Variants in ATF2 observed in about 807,000 individuals in gnomAD.
ATF2 encodes activating transcription factor 2, also known as cyclic AMP-dependent transcription factor ATF-2.
A neutral mutation model predicts 60.6 loss-of-function variants in ATF2; 24 were observed. The ratio of observed to expected loss-of-function variants is 0.40; its 90% CI spans 0.29 to 0.56. The LOEUF is 0.56. Among genes scored for constraint, ATF2 ranks in the 20% least tolerant of loss-of-function variants. The pLI, the probability that ATF2 is intolerant of heterozygous loss-of-function variation, is 0.54. For synonymous variants in ATF2, 206 were observed against 215.4 expected (o/e 0.96, Z 0.38); for missense variants, 433 against 607.7 (o/e 0.71, Z 3.02).
At chr2:175,158,118 T>C (rs1342360877) in intron 1 of ATF2, among the ~76,000 whole-genome samples, 2 of 152,140 alleles carry the variant, frequency 1.3e-5, no homozygotes, top group Non-Finnish European at 1.5e-5. Context: ...AGAGATCACC[T>C]TGGGAATAGC....
intron 10 of ATF2, among the ~76,000 whole-genome samples, chr2:175,100,436 G>T (rs1574362696): frequency 6.6e-6 from 1 of 152,098 alleles, no homozygotes; most frequent in Non-Finnish European, 1.5e-5. Context: ...TTTGATCCCA[G>T]ACATATTTTA....
intron 11 of ATF2, among the ~76,000 whole-genome samples, chr2:175,096,417 A>G (rs1176547911): frequency 6.6e-6 from 1 of 152,218 alleles, no homozygotes; most frequent in Admixed American, 6.5e-5. Flanking sequence ...TAATACCTAC[A>G]TATGTGTGTA....
At chr2:175,099,430 C>T (rs1695165803) in intron 10 of ATF2, among the ~76,000 whole-genome samples, 1 of 152,084 alleles carries the variant, frequency 6.6e-6, no homozygotes, top group East Asian at 1.9e-4. Context: ...AACAAATACA[C>T]TCATGCAACC....
chr2:175,116,911 T>C (rs908403292), intron 7 of ATF2, among the ~76,000 whole-genome samples: 1 of 151,908 alleles, frequency 6.6e-6, no homozygotes. Context: ...CATATACATA[T>C]CATATAATAA....
intron 10 of ATF2, among the ~76,000 whole-genome samples, chr2:175,101,625 T>C (rs1283904061): frequency 6.6e-6 from 1 of 152,196 alleles, no homozygotes; most frequent in Non-Finnish European, 1.5e-5. Flanking sequence ...TAACTGCACA[T>C]AGGGGAGCCT....
Position 175,097,554 on chromosome 2 carries a change from T to C in ATF2, c.868A>G (p.Thr290Ala). ...AALTQQHPPV[T>A]NGDTVKGHGS... ...TGACCTTTGACAGTATCACCATTGG[T>C]AACTGGAGGATGTTGCTGGGTCAAA... The change falls in exon 11 of 14, where the codon ACC (threonine) becomes GCC (alanine). Residue 290 changes from threonine to alanine, a missense_variant. Physicochemically the swap from Thr to Ala is moderately conservative, Grantham distance 58. Coordinates refer to ENST00000264110, the MANE Select transcript of ATF2 (RefSeq NM_001880.4). 1 of 1,614,114 alleles carries C rather than the reference T, an allele frequency of 6.2e-7. No homozygotes were observed. Among genetic ancestry groups the C allele is most frequent in the Non-Finnish European group, 8.5e-7 (1 of 1,179,998 alleles).
In ATF2 at chr2:175,167,791, G is replaced by A. The variant is rs1305154328; in HGVS notation, c.-143+259C>T. The A allele has an allele frequency of 6.6e-6, 3 of 451,326 alleles. No homozygotes were observed. In the East Asian group the frequency reaches 2.2e-4, roughly 33 times the overall value. 28.0% of individuals were successfully genotyped at this position (451,326 alleles called of 1,614,324 possible). A position where few individuals can be genotyped will look rare whatever the true frequency, so the allele number is the denominator to read the frequency against. The stretch of plus-strand genomic sequence containing the variant: ...TCTGCCTTAGGAAAGCGCGCGAGAG[G>A]GAGGGGCCGGAACAACGAACGCTGG... On this transcript the variant is annotated intron_variant, in intron 1 of 13. Coordinates refer to ENST00000264110, the MANE Select transcript of ATF2 (RefSeq NM_001880.4).
intron 12 of ATF2, among the ~76,000 whole-genome samples, chr2:175,092,096 A>C (rs2105585781): frequency 6.6e-6 from 1 of 152,338 alleles, no homozygotes; most frequent in East Asian, 1.9e-4. Context: ...TCACATTAAA[A>C]AAATTTAAAT....
intron 4 of ATF2, among the ~76,000 whole-genome samples, chr2:175,123,940 C>T (rs1472912937): frequency 2.0e-5 from 3 of 151,956 alleles, no homozygotes; most frequent in South Asian, 4.1e-4. Flanking sequence ...TAACAAGAAA[C>T]TTAAGACCGT....
At chr2:175,101,344 G>C (rs1695298484) in intron 10 of ATF2, among the ~76,000 whole-genome samples, 1 of 152,072 alleles carries the variant, frequency 6.6e-6, no homozygotes, top group South Asian at 2.1e-4. Context: ...AGAGTCTTGG[G>C]AGGTCGCCAG....
chr2:175,116,729 T>TAG (rs958958332), intron 7 of ATF2, among the ~76,000 whole-genome samples: 4 of 151,404 alleles, frequency 2.6e-5, no homozygotes, highest in Non-Finnish European at 5.9e-5. Context: ...AAAGAAGGAA[T>TAG]ACTCCTAAAA....
chr2:175,102,791 C>G (rs1233126294), intron 10 of ATF2, among the ~76,000 whole-genome samples: 1 of 151,600 alleles, frequency 6.6e-6, no homozygotes. Flanking sequence ...TTTATAAGGT[C>G]TATATTATCC....
At chr2:175,161,012 T>C (rs982218849) in intron 1 of ATF2, among the ~76,000 whole-genome samples, 2 of 152,170 alleles carry the variant, frequency 1.3e-5, no homozygotes, top group Non-Finnish European at 2.9e-5. Context: ...CACTCCAACC[T>C]GCATGACAGA....
intron 12 of ATF2, among the ~76,000 whole-genome samples, chr2:175,087,005 A>T (rs1383222268): frequency 6.6e-6 from 1 of 152,136 alleles, no homozygotes; most frequent in Non-Finnish European, 1.5e-5. Flanking sequence ...ACACAAAACC[A>T]GTCTGCTTAA....
chr2:175,142,209 A>G (rs1698595889), intron 2 of ATF2, among the ~76,000 whole-genome samples: 1 of 143,530 alleles, frequency 7.0e-6, no homozygotes, highest in South Asian at 2.2e-4. Flanking sequence ...TTTTTGAGAC[A>G]GACTCTCGCT....
At chr2:175,092,602 C>G (rs751663203) in intron 12 of ATF2, 3 of 451,962 alleles carry the variant, frequency 6.6e-6, no homozygotes, top group African/African-American at 6.1e-5. Flanking sequence ...GCACCTTTCA[C>G]GAGCAATATA....
intron 4 of ATF2, among the ~76,000 whole-genome samples, chr2:175,125,930 A>C (rs1015723518): frequency 2.0e-5 from 3 of 152,128 alleles, no homozygotes; most frequent in Non-Finnish European, 4.4e-5. Context: ...TTCCCACCTT[A>C]AAATGCAAAA....
At chr2:175,086,702 C>G (rs1694194818) in intron 12 of ATF2, among the ~76,000 whole-genome samples, 1 of 152,098 alleles carries the variant, frequency 6.6e-6, no homozygotes, top group Non-Finnish European at 1.5e-5. Context: ...AGCCACTGCT[C>G]CTGGCCTCAT....
Position 175,130,196 on chromosome 2 carries a change from T to A in ATF2, c.44A>T (p.Asp15Val). 6.3e-7 allele frequency: 1 copy of A among 1,586,008 alleles called. No homozygotes were observed. The highest frequency in any genetic ancestry group is 8.6e-7 in the Non-Finnish European group (1 of 1,165,488). ...LHVNSARQYK[D>V]LWNMSDDKPF... The stretch of plus-strand genomic sequence containing the variant: ...TTTGTCATCACTCATATTCCACAGG[T>A]CCTTGTATTGCCTATAATCAAACAG... Residue 15 changes from aspartate to valine, a missense_variant, in exon 4 of 14, where the codon GAC becomes GTC. Coordinates refer to ENST00000264110, the MANE Select transcript of ATF2 (RefSeq NM_001880.4).
Sources: allele counts gnomAD v4.1 joint callset (sites outside exome capture counted in the v4.1 genomes callset), GRCh38; gene constraint gnomAD v4.1.1; transcripts MANE v1.5; gene names NCBI Gene and HGNC (gene_info 2026-07-23, HGNC 2026-07-21).